The following NRG1 variants were observed in gnomAD, a reference collection of about 807,000 sequenced individuals.
The protein encoded by NRG1 is pro-neuregulin-1, membrane-bound isoform.
NRG1 carries 18 observed loss-of-function variants against 63.8 expected under a neutral mutation model. The observed-to-expected ratio is 0.28, with a 90% CI of 0.19 to 0.42. The LOEUF is 0.42. Ranked by LOEUF, NRG1 falls within the 10% of genes least tolerant of loss-of-function variation. The pLI, the probability that NRG1 is intolerant of heterozygous loss-of-function variation, is 1.00. For missense variants in NRG1, 762 were observed against 814.7 expected (o/e 0.94, Z 0.79); for synonymous variants, 302 against 301.3 (o/e 1.00, Z -0.02).
At chr8:32,673,176 G>T (rs1314380794) in intron 5 of NRG1, among the ~76,000 whole-genome samples, 3 of 152,114 alleles carry the variant, frequency 2.0e-5, no homozygotes, top group African/African-American at 7.2e-5. Context: ...AGCAAATACC[G>T]CTGATCTAGT....
intron 1 of NRG1, among the ~76,000 whole-genome samples, chr8:31,891,983 G>C (rs959910355): frequency 6.6e-6 from 1 of 152,138 alleles, no homozygotes; most frequent in Non-Finnish European, 1.5e-5. Flanking sequence ...GTGGTTGCCA[G>C]GGGTTAAGTA....
intron 1 of NRG1, among the ~76,000 whole-genome samples, chr8:31,870,127 G>A (rs1354131483): frequency 6.6e-6 from 1 of 152,034 alleles, no homozygotes; most frequent in Non-Finnish European, 1.5e-5. Context: ...ATTATCTTCT[G>A]GTTGCTAGTC....
intron 1 of NRG1, among the ~76,000 whole-genome samples, chr8:32,303,416 T>C (rs1313342636): frequency 6.6e-6 from 1 of 151,930 alleles, no homozygotes; most frequent in Admixed American, 6.6e-5. Flanking sequence ...CTGCAGAAGG[T>C]GGAGCTACAG....
chr8:32,335,215 A>G (rs1284300890), intron 1 of NRG1, among the ~76,000 whole-genome samples: 1 of 152,228 alleles, frequency 6.6e-6, no homozygotes, highest in Non-Finnish European at 1.5e-5. Flanking sequence ...CTGAAAATTT[A>G]CAATTACAAC....
intron 1 of NRG1, among the ~76,000 whole-genome samples, chr8:32,366,231 A>G (rs1363716483): frequency 6.6e-6 from 1 of 152,134 alleles, no homozygotes; most frequent in Non-Finnish European, 1.5e-5. Flanking sequence ...AGATGTTTTG[A>G]AATATACAAT....
At chr8:32,220,098 A>G (rs1000369994) in intron 1 of NRG1, among the ~76,000 whole-genome samples, 1 of 152,246 alleles carries the variant, frequency 6.6e-6, no homozygotes, top group African/African-American at 2.4e-5. Context: ...GGGTGCTCTT[A>G]AATGCATCAG....
At chr8:31,926,285 C>G (rs1488477724) in intron 1 of NRG1, among the ~76,000 whole-genome samples, 2 of 151,940 alleles carry the variant, frequency 1.3e-5, no homozygotes, top group African/African-American at 4.8e-5. Context: ...TCTTTCAGTT[C>G]CATTAAACTA....
At chr8:31,908,472 T>C (rs918986709) in intron 1 of NRG1, among the ~76,000 whole-genome samples, 1 of 152,188 alleles carries the variant, frequency 6.6e-6, no homozygotes, top group Non-Finnish European at 1.5e-5. Flanking sequence ...CCTTCGGGTA[T>C]GTGCGGCAAC....
intron 1 of NRG1, among the ~76,000 whole-genome samples, chr8:32,385,169 G>C (rs902285590): frequency 6.6e-6 from 1 of 151,816 alleles, no homozygotes; most frequent in African/African-American, 2.4e-5. Flanking sequence ...ACAGGCGCCC[G>C]TCACCATGCC....
chr8:32,449,202 TG>T (rs1256659176), intron 1 of NRG1, among the ~76,000 whole-genome samples: 2 of 151,984 alleles, frequency 1.3e-5, no homozygotes, highest in Non-Finnish European at 1.5e-5. Flanking sequence ...GAGGCTGAGA[TG>T]GGAGGATCAC....
At chr8:31,865,691 T>A (rs1295131299) in intron 1 of NRG1, among the ~76,000 whole-genome samples, 1 of 152,122 alleles carries the variant, frequency 6.6e-6, no homozygotes, top group Non-Finnish European at 1.5e-5. Flanking sequence ...TCTGCCACAA[T>A]TGTAAGTTTC....
chr8:32,726,899 A>T (rs2129013253), intron 5 of NRG1, among the ~76,000 whole-genome samples: 1 of 151,516 alleles, frequency 6.6e-6, no homozygotes, highest in Non-Finnish European at 1.5e-5. Flanking sequence ...CAAGACAAAA[A>T]ATTGCCTCTA....
At chr8:32,590,106 C>A (rs1029075646) in intron 1 of NRG1, among the ~76,000 whole-genome samples, 1 of 152,122 alleles carries the variant, frequency 6.6e-6, no homozygotes, top group Non-Finnish European at 1.5e-5. Flanking sequence ...TATTTGAAAA[C>A]ACTTAAAGCC....
intron 1 of NRG1, among the ~76,000 whole-genome samples, chr8:32,591,884 C>A (rs1182986234): frequency 6.6e-6 from 1 of 151,976 alleles, no homozygotes. Context: ...GCAGCAAACC[C>A]CTGCAACACT....
intron 1 of NRG1, among the ~76,000 whole-genome samples, chr8:32,222,739 G>T (rs1948097): frequency 0.74 from 112,472 of 152,082 alleles, 42,711 homozygotes; most frequent in African/African-American, 0.9. Flanking sequence ...GGAAACAGGA[G>T]TTCTATCTGC....
At chr8:32,732,799 CT>C (rs1173388613) in intron 6 of NRG1, among the ~76,000 whole-genome samples, 668 of 83,350 alleles carry the variant, frequency 8.0e-3, no homozygotes, top group African/African-American at 0.025. Flanking sequence ...TGTTTAATTT[CT>C]TTTTTTTTTT....
chr8:31,669,589 T>C (rs1280968787), intron 1 of NRG1, among the ~76,000 whole-genome samples: 6 of 152,144 alleles, frequency 3.9e-5, no homozygotes, highest in African/African-American at 1.2e-4. Context: ...TTGTGTACAT[T>C]GAACCATCAG....
chr8:31,954,553 G>T (rs1180186544), intron 1 of NRG1, among the ~76,000 whole-genome samples: 1 of 152,118 alleles, frequency 6.6e-6, no homozygotes, highest in Non-Finnish European at 1.5e-5. Flanking sequence ...TGTATAGCAT[G>T]GTTAACCCTT....
intron 1 of NRG1, among the ~76,000 whole-genome samples, chr8:32,418,639 G>C (rs1272203278): frequency 6.6e-6 from 1 of 152,004 alleles, no homozygotes; most frequent in South Asian, 2.1e-4. Flanking sequence ...AGTCTATAAG[G>C]TATCTTCTTA....
Sources: allele counts gnomAD v4.1 joint callset (sites outside exome capture counted in the v4.1 genomes callset), GRCh38; gene constraint gnomAD v4.1.1; transcripts MANE v1.5; gene names NCBI Gene and HGNC (gene_info 2026-07-23, HGNC 2026-07-21).